Variants in ANKRD26 observed in about 807,000 individuals in gnomAD.
ANKRD26 encodes the protein ankyrin repeat domain 26, also known as ankyrin repeat domain-containing protein 26.
A neutral mutation model predicts 208.7 loss-of-function variants in ANKRD26; 141 were observed. The ratio of observed to expected loss-of-function variants is 0.68; its 90% CI spans 0.59 to 0.78. The LOEUF (loss-of-function observed/expected upper bound fraction) is 0.78, where lower values mean the gene tolerates loss of function less well. ANKRD26 is among the 30% of genes least tolerant of loss of function. The pLI, the probability that ANKRD26 is intolerant of heterozygous loss-of-function variation, is 0.00. For missense variants in ANKRD26, 1,889 were observed against 1,938.7 expected, an observed-to-expected ratio of 0.97 and a Z score of 0.48; for synonymous variants, 636 against 660.4, an observed-to-expected ratio of 0.96 and a Z score of 0.57.
chr10:27,009,156 C>CTGT (rs2053003239), intron 32 of ANKRD26, among the ~76,000 whole-genome samples: 1 of 151,992 alleles, frequency 6.6e-6, no homozygotes, highest in Non-Finnish European at 1.5e-5. Flanking sequence ...GAATATTTTA[C>CTGT]CACATAAATG....
rs543144909 is a variant in ANKRD26 at position 27,051,793 on chromosome 10, G to T, written c.1635+1527C>A. 1.0e-5 allele frequency: 10 copies of T among 985,298 alleles called. No individual in the cohort carries two copies. The South Asian group carries it at 3.8e-4, about 37-fold the overall frequency. The allele number at this position is 985,298 out of a possible 1,614,324, so 61.0% of individuals were successfully genotyped here. A position where few individuals can be genotyped will look rare whatever the true frequency, so the allele number is the denominator to read the frequency against. ...AGTATATTATTTGTCAAAGAAGAAG[G>T]TATTTCCTTTAAGTTTGTGCCTCCT... On this transcript the variant is annotated intron_variant, in intron 16 of 33. Transcript: ENST00000376087.
rs542371425 is a variant in ANKRD26, at chr10:27,071,775, T to TCCACTGGGAAGCCCGGCAATCCAGG, written c.1078-4514_1078-4490dup. The stretch of plus-strand genomic sequence containing the variant: ...GGAGAGATGGTCCCTGGAACACACT[T>TCCACTGGGAAGCCCGGCAATCCAGG]CCACTGGGAAGCCCGGCAATCCAGG... On this transcript the variant is annotated intron_variant, in intron 9 of 33. Transcript: ENST00000376087. Among the ~76,000 whole-genome samples, 5 of 152,172 alleles carry TCCACTGGGAAGCCCGGCAATCCAGG rather than the reference T, an allele frequency of 3.3e-5. No individual in the cohort carries two copies. In the East Asian group the frequency reaches 9.7e-4, roughly 30 times the overall value.
intron 30 of ANKRD26, among the ~76,000 whole-genome samples, chr10:27,016,507 G>A (rs1270357549): frequency 6.6e-6 from 1 of 151,600 alleles, no homozygotes; most frequent in African/African-American, 2.4e-5. Context: ...TGGAACTCCT[G>A]ACCTCGTGAT....
chr10:27,035,395 C>G lies in ANKRD26; in HGVS notation c.3055G>C (p.Asp1019His). 6.2e-7 allele frequency: 1 copy of G among 1,613,906 alleles called. No individual in the cohort carries two copies. The highest frequency in any genetic ancestry group is 8.5e-7 in the Non-Finnish European group (1 of 1,179,890). ...TTTGATGTCTCACTTTGATCACGAT[C>G]ATGTATAGCAGCAGCCAATCTAGAA... Reference protein sequence around the residue: ...YHSRLAAAIHDRDQSETSKRE... With the variant: ...YHSRLAAAIHHRDQSETSKRE... The change falls in exon 24 of 34, where the codon GAT becomes CAT. Residue 1019 changes from aspartate (D) to histidine (H), a missense_variant. By Grantham distance (81) the Asp-to-His change is moderately conservative. Around this residue, in one of 3 missense-constraint regions of ANKRD26, gnomAD observed 1,272 missense variants for 1,273.8 expected, o/e 1.00. Coordinates refer to ENST00000376087, the MANE Select transcript of ANKRD26 (RefSeq NM_014915.3).
chr10:26,993,588 G>A (rs74128519), intron 5 of ANKRD26, among the ~76,000 whole-genome samples: 3,179 of 152,252 alleles, frequency 0.021, 171 homozygotes, highest in East Asian at 0.17. Flanking sequence ...TTGCAGAGAG[G>A]GGACTAAGGT....
downstream of ANKRD26, among the ~76,000 whole-genome samples, chr10:26,972,640 G>GA (rs1334420214): frequency 1.3e-5 from 2 of 148,400 alleles, no homozygotes; most frequent in Non-Finnish European, 3.0e-5. Context: ...GCCCAGGCTG[G>GA]AGTGCAGTGG....
chr10:27,067,650 T>G (rs574659660), intron 9 of ANKRD26, among the ~76,000 whole-genome samples: 1 of 152,170 alleles, frequency 6.6e-6, no homozygotes, highest in South Asian at 2.1e-4. Context: ...AAGAAGCAGA[T>G]CCCATGAGAA....
intron 28 of ANKRD26, 31 bp downstream of exon 28, chr10:27,024,416 G>GTTTT (rs2053593393): frequency 8.2e-7 from 1 of 1,215,334 alleles, no homozygotes; most frequent in Non-Finnish European, 1.2e-6. Flanking sequence ...TTAATGAATG[G>GTTTT]TTAAAATGAT....
chr10:27,033,476 A>T, intron 24 of ANKRD26, 99 bp from the exon 25 acceptor site: 1 of 1,236,092 alleles, frequency 8.1e-7, no homozygotes, highest in Non-Finnish European at 1.1e-6. Flanking sequence ...GACATATACA[A>T]CTTAAAAAAT....
chr10:27,062,380 C>T, intron 12 of ANKRD26: 1 of 295,900 alleles, frequency 3.4e-6, no homozygotes. Flanking sequence ...AAGTCTATAC[C>T]CTTGTTACTC....
intron 29 of ANKRD26, among the ~76,000 whole-genome samples, chr10:27,021,134 C>T (rs867065672): frequency 1.3e-5 from 2 of 152,170 alleles, no homozygotes; most frequent in Admixed American, 6.6e-5. Flanking sequence ...GAAACCTCAG[C>T]GTCTGTTGTT....
intron 12 of ANKRD26, chr10:27,062,189 T>C: frequency 1.0e-6 from 1 of 982,508 alleles, no homozygotes; most frequent in Non-Finnish European, 1.2e-6. Context: ...TTCTCAGCAC[T>C]TCTTTCCTCT....
At chr10:27,018,104 G>C (rs999401672) in intron 29 of ANKRD26, among the ~76,000 whole-genome samples, 9 of 150,720 alleles carry the variant, frequency 6.0e-5, no homozygotes, top group Admixed American at 2.6e-4. Context: ...AGGGGTAGCA[G>C]AAAGTCTTAC....
At chr10:26,983,050 C>G (rs987286194) in intron 3 of ANKRD26, among the ~76,000 whole-genome samples, 30 of 152,134 alleles carry the variant, frequency 2.0e-4, no homozygotes, top group African/African-American at 7.2e-4. Flanking sequence ...GCAAAGGTTC[C>G]ACCTTGGGCT....
At chr10:27,049,983 G>C (rs1374834288) in intron 16 of ANKRD26, among the ~76,000 whole-genome samples, 1 of 151,998 alleles carries the variant, frequency 6.6e-6, no homozygotes, top group Non-Finnish European at 1.5e-5. Flanking sequence ...AGCACTTTGG[G>C]AGGCCGAGGT....
intron 6 of ANKRD26, 148 bp downstream of exon 6, chr10:27,082,655 T>C (rs2055965393): frequency 2.5e-6 from 3 of 1,185,650 alleles, no homozygotes; most frequent in Non-Finnish European, 3.4e-6. Flanking sequence ...CACAGTTGGG[T>C]TGTAATATAG....
At chr10:26,978,449 C>T (rs1049071225) in intron 5 of ANKRD26, among the ~76,000 whole-genome samples, 3 of 152,026 alleles carry the variant, frequency 2.0e-5, no homozygotes, top group African/African-American at 4.8e-5. Flanking sequence ...GAGTGAGACC[C>T]TATCTCAAAA....
At chr10:26,952,435 T>TAGGTTTTGGGCACCTTTTATCA in the ANKRD26 span, among the ~76,000 whole-genome samples, 4 of 152,178 alleles carry the variant, frequency 2.6e-5, no homozygotes, top group Non-Finnish European at 4.4e-5. Context: ...CCCTTTGCTG[T>TAGGTTTTGGGCACCTTTTATCA]AGGTTTTGGG....
intron 25 of ANKRD26, among the ~76,000 whole-genome samples, chr10:27,031,570 G>C (rs1415576): frequency 6.6e-6 from 1 of 152,194 alleles, no homozygotes; most frequent in African/African-American, 2.4e-5. Flanking sequence ...TGATGGCTAA[G>C]GGATGTGGGG....
Sources: allele counts gnomAD v4.1 joint callset (sites outside exome capture counted in the v4.1 genomes callset), GRCh38; gene constraint gnomAD v4.1.1; regional missense constraint gnomAD v4.1.1; transcripts MANE v1.5; gene names NCBI Gene and HGNC (gene_info 2026-07-23, HGNC 2026-07-21).